GPR89B: variants seen among roughly 807,000 people sequenced by gnomAD.
The protein encoded by GPR89B is G protein-coupled receptor 89B.
Under a neutral mutation model 52.4 loss-of-function variants are expected in GPR89B, and 25 were observed. The ratio of observed to expected loss-of-function variants is 0.48; its 90% CI spans 0.35 to 0.67. The LOEUF is 0.67. Among genes scored for constraint, GPR89B ranks in the 30% least tolerant of loss-of-function variants. The pLI is 0.01. For missense variants in GPR89B, 146 were observed against 450.2 expected, an observed-to-expected ratio of 0.32 and a Z score of 6.11; for synonymous variants, 52 against 151.2, an observed-to-expected ratio of 0.34 and a Z score of 4.81.
chr1:148,025,658 G>C, the GPR89B span: 2 of 146,034 alleles, frequency 1.4e-5, no homozygotes, highest in East Asian at 4.1e-4. Flanking sequence ...TAGATATAGA[G>C]TCTTTAAGGA....
intron 5 of GPR89B, among the ~76,000 whole-genome samples, chr1:147,944,897 T>A (rs1412515092): frequency 7.9e-5 from 12 of 151,718 alleles, no homozygotes; most frequent in African/African-American, 2.2e-4. Context: ...TTTTTAAAAA[T>A]ATATATATAT....
rs1264095440 is a variant in GPR89B, at chr1:147,988,666, C to T, written c.1095+145C>T. 752 of 500,258 alleles carry T rather than the reference C, an allele frequency of 1.5e-3. 3 individuals carry two copies. Among genetic ancestry groups the T allele is most frequent in the African/African-American group, 0.013 (613 of 47,840 alleles). The allele number at this position is 500,258 out of a possible 1,614,324, so 31.0% of individuals were successfully genotyped here. ...GATCACGAGGTCAGGAGATCGAGTC[C>T]ATCCTAGCCAACATGGTGAAACCCC... is the stretch of plus-strand genomic sequence containing the variant. On this transcript the variant is annotated intron_variant, in intron 12 of 13. Coordinates refer to ENST00000314163, the MANE Select transcript of GPR89B (RefSeq NM_016334.5).
the GPR89B span, among the ~76,000 whole-genome samples, chr1:148,017,816 T>TCC: frequency 6.7e-6 from 1 of 150,256 alleles, no homozygotes; most frequent in Non-Finnish European, 1.5e-5. Context: ...ATGTGTGTTC[T>TCC]CCCCAGACAT....
intron 3 of GPR89B, among the ~76,000 whole-genome samples, chr1:147,939,233 C>A (rs1654348784): frequency 7.0e-6 from 1 of 143,678 alleles, no homozygotes; most frequent in Admixed American, 7.0e-5. Flanking sequence ...ACTGAAACTC[C>A]AGTTCTTACT....
chr1:148,007,211 A>G, the GPR89B span, among the ~76,000 whole-genome samples: 106,094 of 134,480 alleles, frequency 0.79, 42,737 homozygotes, highest in African/African-American at 0.93. Context: ...GAGTAGCTGG[A>G]ACTACAGGCG....
chr1:147,981,550 T>C (rs1305994960), intron 10 of GPR89B, among the ~76,000 whole-genome samples: 8 of 150,548 alleles, frequency 5.3e-5, no homozygotes, highest in Non-Finnish European at 1.2e-4. Flanking sequence ...TTTCATTTTA[T>C]AGGTACACCA....
At chr1:147,949,276 T>A (rs1199898707) in intron 5 of GPR89B, among the ~76,000 whole-genome samples, 1 of 151,616 alleles carries the variant, frequency 6.6e-6, no homozygotes, top group Non-Finnish European at 1.5e-5. Flanking sequence ...AGCTGTTGGG[T>A]ACACCTCCCA....
chr1:147,954,637 G>C (rs1244832913), intron 7 of GPR89B, among the ~76,000 whole-genome samples: 1 of 152,184 alleles, frequency 6.6e-6, no homozygotes, highest in Non-Finnish European at 1.5e-5. Context: ...GGGTAACATA[G>C]TGAGACCCCA....
At chr1:147,950,469 G>A (rs1441926896) in intron 5 of GPR89B, among the ~76,000 whole-genome samples, 9 of 150,092 alleles carry the variant, frequency 6.0e-5, no homozygotes, top group African/African-American at 2.2e-4. Flanking sequence ...CAGGCAGAGG[G>A]GCTCCTCACG....
intron 10 of GPR89B, among the ~76,000 whole-genome samples, chr1:147,985,927 G>A (rs1485527249): frequency 2.0e-5 from 3 of 151,958 alleles, no homozygotes; most frequent in Non-Finnish European, 4.4e-5. Flanking sequence ...TACCTTTTTG[G>A]CTCCTGATAA....
intron 10 of GPR89B, 21 bp from the exon 11 acceptor site, chr1:147,986,178 T>TA (rs1658652659): frequency 6.2e-7 from 1 of 1,609,950 alleles, no homozygotes; most frequent in Non-Finnish European, 8.5e-7. Context: ...TGCTCCAAGG[T>TA]AAAAATCTGC....
the GPR89B span, among the ~76,000 whole-genome samples, chr1:147,999,211 T>C: frequency 6.6e-6 from 1 of 151,546 alleles, no homozygotes; most frequent in Non-Finnish European, 1.5e-5. Flanking sequence ...TTCCACCAAC[T>C]GCAAAATGAC....
chr1:147,996,111 T>A (rs1161027279), downstream of GPR89B, among the ~76,000 whole-genome samples: 179 of 152,276 alleles, frequency 1.2e-3, 1 homozygote, highest in Non-Finnish European at 1.7e-3. Flanking sequence ...TGGTTCAGCG[T>A]CATATGTCTT....
chr1:148,010,969 A>G, the GPR89B span: 1 of 152,332 alleles, frequency 6.6e-6, no homozygotes, highest in Admixed American at 6.5e-5. Context: ...TCTACTCAAG[A>G]GTCCTATACA....
chr1:147,950,193 C>G (rs1325292184), intron 5 of GPR89B, among the ~76,000 whole-genome samples: 1 of 148,942 alleles, frequency 6.7e-6, no homozygotes, highest in Non-Finnish European at 1.5e-5. Flanking sequence ...GGTTGCCAGG[C>G]GGAGGGTCTC....
intron 1 of GPR89B, among the ~76,000 whole-genome samples, chr1:147,933,128 C>T (rs1161888120): frequency 6.6e-5 from 10 of 151,880 alleles, no homozygotes; most frequent in Admixed American, 3.3e-4. Flanking sequence ...ATTCCACCAT[C>T]CTTCTCATCT....
chr1:148,016,017 C>T, the GPR89B span, among the ~76,000 whole-genome samples: 22 of 150,696 alleles, frequency 1.5e-4, no homozygotes, highest in African/African-American at 5.4e-4. Flanking sequence ...CTGACATGTA[C>T]TTTGCTTTTA....
chr1:147,970,555 A>G (rs375197372), intron 10 of GPR89B, among the ~76,000 whole-genome samples: 1 of 76,672 alleles, frequency 1.3e-5, no homozygotes, highest in African/African-American at 4.7e-5. Flanking sequence ...CTCTCTCTCT[A>G]TCTCTCTCTC....
chr1:147,941,109 G>C (rs1248482719), intron 3 of GPR89B, among the ~76,000 whole-genome samples: 1 of 151,138 alleles, frequency 6.6e-6, no homozygotes, highest in Admixed American at 6.6e-5. Context: ...GTTTTGAAAA[G>C]AGAATCTTGG....
Sources: gnomAD v4.1 joint callset for allele counts (sites outside exome capture counted in the v4.1 genomes callset) on GRCh38, gnomAD v4.1.1 for gene constraint, MANE v1.5 for transcripts, NCBI Gene and HGNC (gene_info 2026-07-23, HGNC 2026-07-21) for gene names.